The following TEX29 variants were observed in gnomAD, a reference collection of about 807,000 sequenced individuals.
TEX29 encodes the protein testis-expressed protein 29.
Under a neutral mutation model 18.2 loss-of-function variants are expected in TEX29, and 26 were observed. The observed-to-expected ratio is 1.43, with a 90% confidence interval of 1.04 to 1.98. The LOEUF (loss-of-function observed/expected upper bound fraction) is 1.98, where lower values mean the gene tolerates loss of function less well. TEX29 is among the 30% of genes most tolerant of loss of function. The pLI, the probability that TEX29 is intolerant of heterozygous loss-of-function variation, is 0.00. For synonymous variants in TEX29, 83 were observed against 78.5 expected (o/e 1.06, Z -0.31); for missense variants, 177 against 194.2 (o/e 0.91, Z 0.53).
Position 111,339,759 on chromosome 13 carries a change from G to A in TEX29, c.170-104G>A, listed in dbSNP as rs561823837. The A allele has an allele frequency of 1.3e-4, 148 of 1,143,404 alleles. 1 individual carries two copies. The highest frequency in any genetic ancestry group is 8.5e-4 in the South Asian group (68 of 79,672). The allele number at this position is 1,143,404 out of a possible 1,614,324, so 70.8% of individuals were successfully genotyped here. ...AGGAGTGCTGACCATGGGCAGCCGC[G>A]CCGGGAGGGCCCGCACCCGACTCTG... On this transcript the variant is annotated intron_variant, in intron 3 of 5. Coordinates refer to ENST00000283547, the MANE Select transcript of TEX29 (RefSeq NM_152324.3).
chr13:111,335,403 C>T (rs1314576385), intron 3 of TEX29, among the ~76,000 whole-genome samples: 1 of 152,176 alleles, frequency 6.6e-6, no homozygotes, highest in Non-Finnish European at 1.5e-5. Context: ...GGCTTCATTC[C>T]AGCAGCTCGT....
intron 2 of TEX29, among the ~76,000 whole-genome samples, chr13:111,323,814 C>T (rs940517199): frequency 1.8e-4 from 27 of 152,362 alleles, no homozygotes; most frequent in African/African-American, 6.5e-4. Flanking sequence ...CCTCTGCACA[C>T]ACCATGCCAG....
chr13:111,320,348 AAAGG>A (rs2153641061), upstream of TEX29, among the ~76,000 whole-genome samples: 1 of 152,154 alleles, frequency 6.6e-6, no homozygotes, highest in Non-Finnish European at 1.5e-5. Context: ...ACCGGGACAC[AAAGG>A]AAGGGAGGGA....
rs577838149 is a variant in TEX29, at chr13:111,339,685, G to C, written c.170-178G>C. ...CCTCGCCTGCCTGCGGGGGCCTTTG[G>C]AGATGTCCACAGAGCTGAGTCTCCA... On this transcript the variant is annotated intron_variant, in intron 3 of 5. Coordinates refer to ENST00000283547, the MANE Select transcript of TEX29 (RefSeq NM_152324.3). Among the ~76,000 whole-genome samples, 3 of 151,046 alleles carry C rather than the reference G, an allele frequency of 2.0e-5. No homozygotes were observed. In the South Asian group the frequency reaches 6.4e-4, roughly 32 times the overall value.
At chr13:111,338,379 A>G (rs1019094774) in intron 3 of TEX29, among the ~76,000 whole-genome samples, 5 of 152,154 alleles carry the variant, frequency 3.3e-5, no homozygotes, top group African/African-American at 1.2e-4. Context: ...GCTAGGAGGA[A>G]GCCAGGGAGG....
intron 4 of TEX29, among the ~76,000 whole-genome samples, chr13:111,342,113 A>G (rs892578094): frequency 6.6e-6 from 1 of 152,188 alleles, no homozygotes; most frequent in Non-Finnish European, 1.5e-5. Flanking sequence ...GCAGGTGGCT[A>G]TTCCCAGGGC....
chr13:111,317,592 C>G (rs1043990662), upstream of TEX29, among the ~76,000 whole-genome samples: 1 of 152,210 alleles, frequency 6.6e-6, no homozygotes, highest in Non-Finnish European at 1.5e-5. Context: ...TTGGAAGTAT[C>G]TTTGCTCGGT....
chr13:111,338,815 C>T (rs1287512202), intron 3 of TEX29, among the ~76,000 whole-genome samples: 8 of 152,170 alleles, frequency 5.3e-5, no homozygotes, highest in Non-Finnish European at 1.0e-4. Flanking sequence ...ATCAACCTGA[C>T]GGAAGGAACA....
chr13:111,342,774 G>A lies in TEX29; in HGVS notation c.258G>A (p.Arg86=), dbSNP rs1055147113. ...TIIYRVIQES[R]KEKAIPVDVA... is the part of the protein sequence containing the mutation. ...CCATCAGAGTCATTCAGGAGAGCAG[G>A]AAAGAAAAGGCCATCCCTGTGGATG... Residue 86 remains arginine (R), a synonymous_variant, in exon 5 of 6, where the codon AGG becomes AGA. Transcript: ENST00000283547. 5.0e-6 allele frequency: 8 copies of A among 1,613,928 alleles called. No homozygotes were observed. The Admixed American group carries it at 6.7e-5, about 13-fold the overall frequency.
chr13:111,316,739 T>C (rs1319945799), upstream of TEX29, among the ~76,000 whole-genome samples: 1 of 152,210 alleles, frequency 6.6e-6, no homozygotes, highest in Non-Finnish European at 1.5e-5. Flanking sequence ...TGATGCTGTT[T>C]TAATTTCTTT....
upstream of TEX29, among the ~76,000 whole-genome samples, chr13:111,319,922 C>T (rs1321940021): frequency 6.6e-6 from 1 of 152,216 alleles, no homozygotes; most frequent in Non-Finnish European, 1.5e-5. Context: ...CAGAGTGATG[C>T]TGTGAAAATG....
intron 3 of TEX29, among the ~76,000 whole-genome samples, chr13:111,331,833 TG>T (rs1447411663): frequency 6.6e-6 from 1 of 152,244 alleles, no homozygotes. Flanking sequence ...CTGATTAAGT[TG>T]ACACCCTTGT....
At chr13:111,323,398 C>A (rs936663095) in intron 2 of TEX29, among the ~76,000 whole-genome samples, 2 of 152,220 alleles carry the variant, frequency 1.3e-5, no homozygotes, top group Non-Finnish European at 2.9e-5. Flanking sequence ...TGCCTTACTG[C>A]GGGGATACAG....
chr13:111,330,361 C>T (rs1429878959), intron 3 of TEX29, among the ~76,000 whole-genome samples: 2 of 152,152 alleles, frequency 1.3e-5, no homozygotes, highest in South Asian at 2.1e-4. Flanking sequence ...GATGAATTTT[C>T]GCTCCTCAGA....
intron 3 of TEX29, among the ~76,000 whole-genome samples, chr13:111,332,229 T>G (rs1426055310): frequency 6.6e-6 from 1 of 152,212 alleles, no homozygotes; most frequent in Admixed American, 6.5e-5. Flanking sequence ...TTTCAATATT[T>G]TATAGTTTTC....
At chr13:111,323,465 A>T (rs1004668872) in intron 2 of TEX29, among the ~76,000 whole-genome samples, 2 of 152,216 alleles carry the variant, frequency 1.3e-5, no homozygotes, top group African/African-American at 4.8e-5. Flanking sequence ...CTCTCCCTAA[A>T]TAAAATAGTT....
rs2093662646 is a variant in TEX29 at position 111,320,772 on chromosome 13, T to C, written c.-35+10T>C. The C allele has an allele frequency of 2.4e-6, 3 of 1,253,830 alleles. No individual in the cohort carries two copies. Among genetic ancestry groups the C allele is most frequent in the Middle Eastern group, 1.9e-4 (1 of 5,244 alleles). The allele number at this position is 1,253,830 out of a possible 1,614,324, so 77.7% of individuals were successfully genotyped here. On this transcript the variant is annotated intron_variant, in intron 1 of 5. Coordinates refer to ENST00000283547, the MANE Select transcript of TEX29 (RefSeq NM_152324.3). Reference sequence around the variant, plus strand: ...GGGATGTGAGGCGCAGGTGAGTCGATGAACGCCCCCTCCTGGTGTGAGCCG... The same window carrying C: ...GGGATGTGAGGCGCAGGTGAGTCGACGAACGCCCCCTCCTGGTGTGAGCCG...
At chr13:111,337,786 G>T (rs1438285857) in intron 3 of TEX29, among the ~76,000 whole-genome samples, 1 of 152,120 alleles carries the variant, frequency 6.6e-6, no homozygotes, top group African/African-American at 2.4e-5. Context: ...GTTTCCCAGT[G>T]TGCTCCTCGG....
Position 111,339,906 on chromosome 13 carries a change from G to T in TEX29, c.213G>T (p.Gly71=), listed in dbSNP as rs1290899913. ...VFSALIVIIA[G]AFVITIIYRV... ...CTGCCTTGATTGTGATCATCGCTGG[G>T]GCCTTCGTCATCACCATCATCTACA... Residue 71 remains glycine, a synonymous_variant, in exon 4 of 6, where the codon GGG becomes GGT. Transcript: ENST00000283547. 5 of 1,611,738 alleles carry T rather than the reference G, an allele frequency of 3.1e-6. No homozygotes were observed. Among genetic ancestry groups the T allele is most frequent in the Non-Finnish European group, 4.2e-6 (5 of 1,178,554 alleles).
Sources: allele counts gnomAD v4.1 joint callset (sites outside exome capture counted in the v4.1 genomes callset), GRCh38; gene constraint gnomAD v4.1.1; transcripts MANE v1.5; gene names NCBI Gene and HGNC (gene_info 2026-07-23, HGNC 2026-07-21).